OVCH1: variants seen among roughly 807,000 people sequenced by gnomAD.
The protein encoded by OVCH1 is ovochymase 1.
A neutral mutation model predicts 138.4 loss-of-function variants in OVCH1; 139 were observed. The ratio of observed to expected loss-of-function variants is 1.00; its 90% confidence interval spans 0.87 to 1.16. The LOEUF is 1.16. Ranked by LOEUF, OVCH1 falls within the 50% of genes most tolerant of loss-of-function variation. The probability of loss-of-function intolerance (pLI) is 0.00; values close to 1 mark genes in which losing one functional copy is unlikely to be tolerated. For synonymous variants in OVCH1, 453 were observed against 467.8 expected (o/e 0.97, Z 0.41); for missense variants, 1,367 against 1,357.9 (o/e 1.01, Z -0.11).
chr12:29,414,433 C>T (rs1266854684), intron 3 of OVCH1, among the ~76,000 whole-genome samples: 1 of 152,134 alleles, frequency 6.6e-6, no homozygotes, highest in African/African-American at 2.4e-5. Flanking sequence ...CACTGATGAA[C>T]ATTTAGACTA....
intron 4 of OVCH1, 61 bp from the exon 5 acceptor site, chr12:29,491,253 A>G (rs1313922169): frequency 2.2e-6 from 3 of 1,359,444 alleles, no homozygotes; most frequent in South Asian, 1.2e-5. Flanking sequence ...ATATATTTGG[A>G]AAAGTGAAAT....
chr12:29,419,504 C>T (rs556308126), intron 3 of OVCH1, among the ~76,000 whole-genome samples: 3 of 151,680 alleles, frequency 2.0e-5, no homozygotes, highest in African/African-American at 7.3e-5. Context: ...CCGTGTTAGC[C>T]AGGATGGTCT....
At chr12:29,439,471 CAAAA>C (rs775561514) in intron 25 of OVCH1, 9 of 1,280,830 alleles carry the variant, frequency 7.0e-6, no homozygotes, top group Middle Eastern at 5.0e-4. Flanking sequence ...AACAAACAAA[CAAAA>C]AACAAAAAGC....
intron 3 of OVCH1, among the ~76,000 whole-genome samples, chr12:29,413,303 A>C (rs1056117511): frequency 8.5e-5 from 13 of 152,088 alleles, no homozygotes; most frequent in Admixed American, 5.9e-4. Flanking sequence ...TATGCCCTAC[A>C]CTCAGATGTG....
In OVCH1 at chr12:29,488,142, C is replaced by G. The variant is rs1001447709; in HGVS notation, c.703-260G>C. ...GTCAGGTTAACAATTTCTCTTCCTCCTCTTTTTTTTTTAAACTACCATGTA... is the reference window on the plus strand; with the variant it reads ...GTCAGGTTAACAATTTCTCTTCCTCGTCTTTTTTTTTTAAACTACCATGTA... On this transcript the variant is annotated intron_variant, in intron 6 of 27. Transcript: ENST00000318184. 4.0e-5 allele frequency among the ~76,000 whole-genome samples: 6 copies of G among 151,536 alleles called. No individual in the cohort carries two copies. In the East Asian group the frequency reaches 1.2e-3, roughly 30 times the overall value.
At chr12:29,426,628 C>A (rs982525793), downstream of OVCH1, among the ~76,000 whole-genome samples, 2 of 152,154 alleles carry the variant, frequency 1.3e-5, no homozygotes, top group Admixed American at 1.3e-4. Context: ...TAAATGCTTT[C>A]TCCAGTGTCT....
At position 29,417,470 on chromosome 12, in the gene OVCH1, A is replaced by AAG. The variant is rs1377138941; in HGVS notation, c.*72-4746_*72-4745insCT. Among the ~76,000 whole-genome samples, 1,195 of 150,110 alleles carry AAG rather than the reference A, an allele frequency of 8.0e-3. 16 individuals carry two copies. Among genetic ancestry groups the AAG allele is most frequent in the East Asian group, 0.055 (276 of 5,000 alleles). On this transcript the variant is annotated intron_variant and NMD_transcript_variant, in intron 3 of 4. Transcript: ENST00000539117. ...AGAAACACTCCGTCTCAAAAAAAAAAAAAAAAAAAAAAAAGGCAACACTAG... is the reference window on the plus strand; with the variant it reads ...AGAAACACTCCGTCTCAAAAAAAAAAAGAAAAAAAAAAAAAAGGCAACACTAG...
exon 17 of OVCH1, chr12:29,465,178 T>A (rs1942273348): frequency 6.2e-7 from 1 of 1,605,592 alleles, no homozygotes; most frequent in Non-Finnish European, 8.5e-7. Context: ...GTTTCTGTCA[T>A]GGTCCCCAGC....
chr12:29,440,962 C>T lies in OVCH1; in HGVS notation c.3158-1528G>A, dbSNP rs917040966. Among the ~76,000 whole-genome samples the T allele has an allele frequency of 7.2e-5, 11 of 152,158 alleles. No homozygotes were observed. The East Asian group carries it at 1.3e-3, about 19-fold the overall frequency. ...CTTTCTCTGGGCTTTTACTTCATTA[C>T]GCATTGGTATCCTTGATTAAGTAAA... On this transcript the variant is annotated intron_variant, in intron 25 of 27. Coordinates refer to ENST00000318184, the Ensembl canonical transcript of OVCH1.
downstream of OVCH1, among the ~76,000 whole-genome samples, chr12:29,410,671 G>A (rs552525842): frequency 4.8e-4 from 72 of 151,508 alleles, no homozygotes; most frequent in East Asian, 0.011. Context: ...AGTTTCTGCC[G>A]AGAGATCATC....
In OVCH1 at chr12:29,496,185, T is replaced by C. The variant is rs779763167; in HGVS notation, c.277A>G (p.Ser93Gly). 79 of 1,603,806 alleles carry C rather than the reference T, an allele frequency of 4.9e-5. 1 individual carries two copies. In the South Asian group the frequency reaches 7.4e-4, roughly 15 times the overall value. ...TAATGGAAATCCACAACTTACTCAC[T>C]GAGGCTGTCCAGGCAGTGTGCTGCT... The change falls in exon 3 of 28, where the codon AGT becomes GGT. Residue 93 changes from serine (S) to glycine (G), a missense_variant. Coordinates refer to ENST00000318184, the Ensembl canonical transcript of OVCH1.
intron 13 of OVCH1, 98 bp downstream of exon 13, chr12:29,476,108 T>C (rs1175392407): frequency 2.1e-6 from 2 of 949,646 alleles, no homozygotes; most frequent in East Asian, 4.8e-5. Context: ...GAAATTCACA[T>C]TCCCACTCTA....
intron 26 of OVCH1, among the ~76,000 whole-genome samples, chr12:29,438,143 T>A (rs913025252): frequency 6.6e-6 from 1 of 152,182 alleles, no homozygotes; most frequent in Non-Finnish European, 1.5e-5. Context: ...ACTACCAATA[T>A]TTTCCACTTT....
At chr12:29,438,784 ATC>A (rs1941412054) in intron 26 of OVCH1, among the ~76,000 whole-genome samples, 2 of 152,282 alleles carry the variant, frequency 1.3e-5, no homozygotes, top group Admixed American at 1.3e-4. Flanking sequence ...TATAATTTGT[ATC>A]TATTTTTTCT....
chr12:29,402,405 T>C, the OVCH1 span, among the ~76,000 whole-genome samples: 1 of 152,192 alleles, frequency 6.6e-6, no homozygotes, highest in East Asian at 1.9e-4. Context: ...CTAGGACATT[T>C]ATAATACTTT....
At chr12:29,402,613 G>A in the OVCH1 span, among the ~76,000 whole-genome samples, 1 of 151,520 alleles carries the variant, frequency 6.6e-6, no homozygotes, top group Non-Finnish European at 1.5e-5. Context: ...AGGAGGATGA[G>A]AATTTGGAAG....
chr12:29,466,730 G>A (rs1942333230), intron 16 of OVCH1, among the ~76,000 whole-genome samples: 1 of 152,110 alleles, frequency 6.6e-6, no homozygotes, highest in South Asian at 2.1e-4. Flanking sequence ...ACCTCAAAAT[G>A]ATGTTAAGAA....
At chr12:29,420,126 TC>T (rs1248450326) in intron 3 of OVCH1, among the ~76,000 whole-genome samples, 4 of 152,226 alleles carry the variant, frequency 2.6e-5, no homozygotes, top group Non-Finnish European at 5.9e-5. Flanking sequence ...ATTAGAAATA[TC>T]AGAATTTTAG....
chr12:29,403,390 T>C, the OVCH1 span, among the ~76,000 whole-genome samples: 1 of 152,252 alleles, frequency 6.6e-6, no homozygotes, highest in Non-Finnish European at 1.5e-5. Context: ...ATCAATGTGT[T>C]TACCTAAAGC....
Sources: allele counts gnomAD v4.1 joint callset (sites outside exome capture counted in the v4.1 genomes callset), GRCh38; gene constraint gnomAD v4.1.1; transcripts MANE v1.5; gene names NCBI Gene and HGNC (gene_info 2026-07-23, HGNC 2026-07-21).